Variants in ZMAT4 observed in about 807,000 individuals in gnomAD.
ZMAT4 encodes the protein zinc finger matrin-type protein 4.
Under a neutral mutation model 28.7 loss-of-function variants are expected in ZMAT4, and 17 were observed. The ratio of observed to expected loss-of-function variants is 0.59; its 90% confidence interval spans 0.41 to 0.89. The LOEUF is 0.89. ZMAT4 is among the 40% of genes least tolerant of loss of function. ZMAT4 has a pLI of 0.00. For synonymous variants in ZMAT4, 117 were observed against 109.2 expected (o/e 1.07, Z -0.44); for missense variants, 240 against 283.8 (o/e 0.85, Z 1.11).
At chr8:40,786,845 A>G in intron 2 of ZMAT4, 1 of 765,882 alleles carries the variant, frequency 1.3e-6, no homozygotes, top group Admixed American at 2.5e-5. Context: ...CATTTCACTG[A>G]AGGCTGTTCT....
intron 5 of ZMAT4, among the ~76,000 whole-genome samples, chr8:40,622,568 TA>T (rs1806240208): frequency 6.6e-6 from 1 of 152,232 alleles, no homozygotes; most frequent in Admixed American, 6.5e-5. Context: ...TTTGCACTGC[TA>T]TCAAGGAATA....
intron 6 of ZMAT4, among the ~76,000 whole-genome samples, chr8:40,567,074 G>A (rs376067217): frequency 3.3e-5 from 5 of 152,076 alleles, no homozygotes; most frequent in Non-Finnish European, 7.4e-5. Context: ...AGAAGGAAAG[G>A]CACTTACATA....
intron 5 of ZMAT4, among the ~76,000 whole-genome samples, chr8:40,619,849 G>A (rs1431006733): frequency 1.3e-5 from 2 of 152,118 alleles, no homozygotes; most frequent in South Asian, 2.1e-4. Flanking sequence ...TGCAGACCAG[G>A]CCCACCATAA....
chr8:40,750,134 G>A (rs1286151955), intron 3 of ZMAT4, among the ~76,000 whole-genome samples: 6 of 152,120 alleles, frequency 3.9e-5, no homozygotes. Flanking sequence ...CCAAATCCAG[G>A]TCACATGAAG....
At chr8:40,700,304 T>C (rs960560022) in intron 3 of ZMAT4, among the ~76,000 whole-genome samples, 1 of 151,920 alleles carries the variant, frequency 6.6e-6, no homozygotes, top group Non-Finnish European at 1.5e-5. Flanking sequence ...TAAGCCTTCT[T>C]AAAGGAAATG....
chr8:40,860,215 G>T (rs1000485881), intron 1 of ZMAT4, among the ~76,000 whole-genome samples: 1 of 152,120 alleles, frequency 6.6e-6, no homozygotes, highest in African/African-American at 2.4e-5. Context: ...AGAAAATGAT[G>T]ATGGTTCTCA....
At chr8:40,732,225 A>G (rs967320419) in intron 3 of ZMAT4, among the ~76,000 whole-genome samples, 2 of 152,306 alleles carry the variant, frequency 1.3e-5, no homozygotes, top group African/African-American at 2.4e-5. Flanking sequence ...AATTTTATGT[A>G]TACATGTTTT....
At chr8:40,685,771 G>T (rs1021411705) in intron 4 of ZMAT4, among the ~76,000 whole-genome samples, 3 of 152,066 alleles carry the variant, frequency 2.0e-5, no homozygotes, top group African/African-American at 4.8e-5. Context: ...ATAAGAATCT[G>T]CATTTTGCAA....
At chr8:40,850,190 C>A (rs1254122385) in intron 1 of ZMAT4, among the ~76,000 whole-genome samples, 1 of 152,034 alleles carries the variant, frequency 6.6e-6, no homozygotes, top group East Asian at 1.9e-4. Context: ...AATCAGAACC[C>A]GGCCCTCCCT....
intron 4 of ZMAT4, among the ~76,000 whole-genome samples, chr8:40,682,022 A>G (rs879301763): frequency 2.0e-5 from 3 of 152,156 alleles, no homozygotes; most frequent in Non-Finnish European, 4.4e-5. Flanking sequence ...TTATATAACT[A>G]TAACTACTAC....
At chr8:40,581,953 G>A (rs191043744) in intron 5 of ZMAT4, among the ~76,000 whole-genome samples, 22 of 152,170 alleles carry the variant, frequency 1.4e-4, no homozygotes, top group Non-Finnish European at 3.1e-4. Flanking sequence ...GCCAATTTAT[G>A]TTAGAAAACA....
intron 1 of ZMAT4, among the ~76,000 whole-genome samples, chr8:40,855,223 A>G (rs1817255426): frequency 6.6e-6 from 1 of 152,150 alleles, no homozygotes; most frequent in Admixed American, 6.5e-5. Flanking sequence ...TTGAGCCTGT[A>G]TTATTTTTCT....
In ZMAT4 at chr8:40,635,560, A is replaced by G. The variant is rs548283639; in HGVS notation, c.577+39144T>C. On this transcript the variant is annotated intron_variant, in intron 5 of 6. Coordinates refer to ENST00000297737, the MANE Select transcript of ZMAT4 (RefSeq NM_024645.3). Reference sequence around the variant, plus strand: ...CCAACCTCTGATGCAAGTAATCAAGACTTCTATTCCCTGGTATTAGAGGTA... The same window carrying G: ...CCAACCTCTGATGCAAGTAATCAAGGCTTCTATTCCCTGGTATTAGAGGTA... Among the ~76,000 whole-genome samples, 90 of 152,326 alleles carry G rather than the reference A, an allele frequency of 5.9e-4. No homozygotes were observed. The South Asian group carries it at 0.018, about 30-fold the overall frequency.
chr8:40,786,623 G>T, intron 2 of ZMAT4: 1 of 1,137,858 alleles, frequency 8.8e-7, no homozygotes, highest in Non-Finnish European at 1.1e-6. Context: ...TGAAATCTCA[G>T]CATCTCCTTC....
chr8:40,731,240 T>C (rs1171520906), intron 3 of ZMAT4, among the ~76,000 whole-genome samples: 4 of 149,360 alleles, frequency 2.7e-5, no homozygotes, highest in East Asian at 1.9e-4. Flanking sequence ...TTTTTCTTTT[T>C]TGGGAGCCAG....
chr8:40,636,261 G>T (rs1332598242), intron 5 of ZMAT4, among the ~76,000 whole-genome samples: 36 of 152,178 alleles, frequency 2.4e-4, no homozygotes, highest in Non-Finnish European at 1.5e-5. Flanking sequence ...AAACTGGCTT[G>T]CACTCACAAA....
chr8:40,535,827 A>G lies in ZMAT4; in HGVS notation c.675-3589T>C, dbSNP rs150678878. Among the ~76,000 whole-genome samples, 354 of 152,316 alleles carry G rather than the reference A, an allele frequency of 2.3e-3. 1 individual carries two copies. Among genetic ancestry groups the G allele is most frequent in the Non-Finnish European group, 3.8e-3 (258 of 68,022 alleles). On this transcript the variant is annotated intron_variant, in intron 6 of 6. Transcript: ENST00000297737. The stretch of plus-strand genomic sequence containing the variant: ...TCCCACACTGAATGTAAACTGTTCA[A>G]TAAGCCAGTGAAAAAACAGAGCAGA...
In ZMAT4 at chr8:40,857,017, A is replaced by G. The variant is rs145881509; in HGVS notation, c.-4-31337T>C. On this transcript the variant is annotated intron_variant, in intron 1 of 6. Coordinates refer to ENST00000297737, the MANE Select transcript of ZMAT4 (RefSeq NM_024645.3). ...TAATTAAAGGTTTGAAAATCCTGCTATTGGTGTTAGTTATTACAGATTTTC... is the reference window on the plus strand; with the variant it reads ...TAATTAAAGGTTTGAAAATCCTGCTGTTGGTGTTAGTTATTACAGATTTTC... 5.7e-3 allele frequency among the ~76,000 whole-genome samples: 869 copies of G among 152,224 alleles called. 4 individuals carry two copies. Among genetic ancestry groups the G allele is most frequent in the African/African-American group, 0.02 (822 of 41,550 alleles).
intron 5 of ZMAT4, among the ~76,000 whole-genome samples, chr8:40,632,796 A>G (rs1198022223): frequency 6.6e-6 from 1 of 152,220 alleles, no homozygotes; most frequent in African/African-American, 2.4e-5. Context: ...CAACCTTAGC[A>G]AAAGAATGCA....
Sources: allele counts gnomAD v4.1 joint callset (sites outside exome capture counted in the v4.1 genomes callset), GRCh38; gene constraint gnomAD v4.1.1; transcripts MANE v1.5; gene names NCBI Gene and HGNC (gene_info 2026-07-23, HGNC 2026-07-21).